The following HAUS6 variants were observed in gnomAD, a reference collection of about 807,000 sequenced individuals.
HAUS6 encodes HAUS augmin-like complex subunit 6.
In HAUS6, 80 loss-of-function variants were observed where a neutral mutation model predicts 106.8. The ratio of observed to expected loss-of-function variants is 0.75; its 90% CI spans 0.63 to 0.90. HAUS6 has a LOEUF of 0.90. Among genes scored for constraint, HAUS6 ranks in the 40% least tolerant of loss-of-function variants. HAUS6 has a pLI of 0.00. For missense variants in HAUS6, 1,155 were observed against 1,118.1 expected, an observed-to-expected ratio of 1.03 and a Z score of -0.47; for synonymous variants, 356 against 379.1, an observed-to-expected ratio of 0.94 and a Z score of 0.71.
In HAUS6 at chr9:19,083,122, T is replaced by C. The variant is rs539906244; in HGVS notation, c.700-79A>G. 4.3e-4 allele frequency: 298 copies of C among 692,230 alleles called. No individual in the cohort carries two copies. In the African/African-American group the frequency reaches 5.0e-3, roughly 12 times the overall value. The allele number at this position is 692,230 out of a possible 1,614,324, so 42.9% of individuals were successfully genotyped here. A position where few individuals can be genotyped will look rare whatever the true frequency, so the allele number is the denominator to read the frequency against. ...AAAAATGTAAATGTATGTTCACTCTTAGTAACAAATTTCCTAGAATGATTT... is the reference window on the plus strand; with the variant it reads ...AAAAATGTAAATGTATGTTCACTCTCAGTAACAAATTTCCTAGAATGATTT... On this transcript the variant is annotated intron_variant, in intron 7 of 16. Coordinates refer to ENST00000380502, the MANE Select transcript of HAUS6 (RefSeq NM_017645.5).
intron 1 of HAUS6, among the ~76,000 whole-genome samples, chr9:19,099,984 G>A (rs923300138): frequency 6.6e-6 from 1 of 152,194 alleles, no homozygotes; most frequent in African/African-American, 2.4e-5. Flanking sequence ...ACAAGGTCAG[G>A]AATTTAAGAT....
rs145443951 is a variant in HAUS6 at position 19,093,290 on chromosome 9, C to G, written c.317G>C (p.Ser106Thr). ...WIKRISGECG[S>T]SFPQVVGSLF... ...TGAACCAACAACTTGAGGAAAGCTA[C>G]TTCCACATTCACCCTATGAAGAAAA... Residue 106 changes from serine (S) to threonine (T), a missense_variant, in exon 4 of 17, where the codon AGT (serine) becomes ACT (threonine). Around this residue, in one of 3 missense-constraint regions of HAUS6, gnomAD observed 761 missense variants for 690.0 expected, o/e 1.10. Transcript: ENST00000380502. 344 of 1,603,322 alleles carry G rather than the reference C, an allele frequency of 2.1e-4. 5 individuals carry two copies. In the East Asian group the frequency reaches 5.5e-3, roughly 26 times the overall value.
At chr9:19,056,929 C>T (rs1836486126) in intron 16 of HAUS6, 1 of 152,890 alleles carries the variant, frequency 6.5e-6, no homozygotes, top group African/African-American at 2.4e-5. Context: ...CAGTGTATAA[C>T]TATTATGGGC....
At chr9:19,087,235 G>T in intron 5 of HAUS6, 79 bp from the exon 6 acceptor site, 1 of 837,712 alleles carries the variant, frequency 1.2e-6, no homozygotes, top group Non-Finnish European at 2.1e-6. Context: ...TTTTCCCTTT[G>T]CATATCCTTG....
Position 19,056,361 on chromosome 9 carries a change from C to T in HAUS6, c.2850G>A (p.Pro950=), listed in dbSNP as rs753529067. 20 of 1,537,304 alleles carry T rather than the reference C, an allele frequency of 1.3e-5. No homozygotes were observed. Among genetic ancestry groups the T allele is most frequent in the South Asian group, 7.8e-5 (7 of 89,270 alleles). ...TACGTCTTCATCTTGTCAAGTCAGA[C>T]GGTGGTTCTTTTGCATCAAGGCTCT... ...LNKSLDAKEP[P]SDLTR is the part of the protein sequence containing the mutation. The change falls in exon 17 of 17, where the codon CCG becomes CCA. Residue 950 remains proline, a synonymous_variant. Coordinates refer to ENST00000380502, the MANE Select transcript of HAUS6 (RefSeq NM_017645.5).
chr9:19,081,548 T>A (rs1462895724), intron 8 of HAUS6, among the ~76,000 whole-genome samples: 1 of 151,996 alleles, frequency 6.6e-6, no homozygotes, highest in East Asian at 1.9e-4. Flanking sequence ...CAAGCGATCC[T>A]CCCACCTCAG....
At chr9:19,093,914 A>T (rs1468235115) in intron 3 of HAUS6, among the ~76,000 whole-genome samples, 1 of 152,230 alleles carries the variant, frequency 6.6e-6, no homozygotes. Context: ...GATCAGAATT[A>T]TTCCTTTTAA....
chr9:19,085,417 C>T (rs896269569), intron 7 of HAUS6, among the ~76,000 whole-genome samples: 16 of 150,836 alleles, frequency 1.1e-4, no homozygotes, highest in Non-Finnish European at 2.1e-4. Context: ...GCCTGTTCTC[C>T]TCATTGTTGT....
intron 10 of HAUS6, among the ~76,000 whole-genome samples, chr9:19,076,912 T>C (rs1280304519): frequency 6.6e-6 from 1 of 152,172 alleles, no homozygotes; most frequent in Admixed American, 6.5e-5. Context: ...GACATTATCA[T>C]AGCTCACTGC....
rs953479665 is a variant in HAUS6, at chr9:19,054,794, T to A, written c.*1549A>T. 33 of 152,220 alleles carry A rather than the reference T, an allele frequency of 2.2e-4. No homozygotes were observed. The highest frequency in any genetic ancestry group is 8.0e-4 in the African/African-American group (33 of 41,462). 9.4% of individuals were successfully genotyped at this position (152,220 alleles called of 1,614,324 possible). A position where few individuals can be genotyped will look rare whatever the true frequency, so the allele number is the denominator to read the frequency against. ...TTAAGAATTACCAAGGAAGCACATT[T>A]AAAATATAATTAAATGAAATAATAC... On this transcript the variant is annotated 3_prime_UTR_variant, in exon 17 of 17. Coordinates refer to ENST00000380502, the MANE Select transcript of HAUS6 (RefSeq NM_017645.5).
At chr9:19,068,391 AT>A (rs2131112101) in intron 12 of HAUS6, among the ~76,000 whole-genome samples, 1 of 151,974 alleles carries the variant, frequency 6.6e-6, no homozygotes, top group East Asian at 1.9e-4. Flanking sequence ...CTCAGAGAAG[AT>A]TTCATTATTT....
At chr9:19,075,972 A>C (rs1016314616) in intron 11 of HAUS6, among the ~76,000 whole-genome samples, 2 of 151,624 alleles carry the variant, frequency 1.3e-5, no homozygotes, top group African/African-American at 2.4e-5. Context: ...AAAAAAAAAA[A>C]AAAAAAACAC....
At chr9:19,060,250 A>C (rs1384814570) in intron 14 of HAUS6, 27 bp from the exon 15 acceptor site, 1 of 1,491,524 alleles carries the variant, frequency 6.7e-7, no homozygotes, top group Non-Finnish European at 8.9e-7. Flanking sequence ...AAAGTAAAGC[A>C]AAGATTACCA....
chr9:19,079,181 A>C (rs888687625), intron 9 of HAUS6, among the ~76,000 whole-genome samples: 1 of 149,430 alleles, frequency 6.7e-6, no homozygotes, highest in African/African-American at 2.4e-5. Flanking sequence ...AAAAAAAAAA[A>C]TACACGAAAC....
chr9:19,063,006 A>G lies in HAUS6; in HGVS notation c.1629+2T>C. The stretch of plus-strand genomic sequence containing the variant: ...AGTATACTCATTACAGTCTTTTCTC[A>G]CCTCTTCTACCAGATGATCTTGCTC... On this transcript the variant is annotated splice_donor_variant, in intron 14 of 16. Coordinates refer to ENST00000380502, the MANE Select transcript of HAUS6 (RefSeq NM_017645.5). LOFTEE classifies it high-confidence loss of function. 6.2e-7 allele frequency: 1 copy of G among 1,604,400 alleles called. No individual in the cohort carries two copies. Among genetic ancestry groups the G allele is most frequent in the South Asian group, 1.1e-5 (1 of 90,592 alleles).
Position 19,080,665 on chromosome 9 carries a change from A to G in HAUS6, c.878T>C (p.Ile293Thr). ...TTTTCCAGCCTCATAAACATTTCCT[A>G]TGTGCAACTAAGGAATCAGGAGGAG... ...KIEKQMFQLH[I>T]GNVYEAGKLN... The change falls in exon 9 of 17, where the codon ATA becomes ACA. Residue 293 changes from isoleucine (I) to threonine (T), a missense_variant. This residue lies in a region of HAUS6 where 761 missense variants were observed against 690.0 expected (regional missense o/e 1.10). Transcript: ENST00000380502. 1.3e-6 allele frequency: 2 copies of G among 1,598,074 alleles called. No homozygotes were observed. Among genetic ancestry groups the G allele is most frequent in the East Asian group, 2.2e-5 (1 of 44,740 alleles).
chr9:19,102,500 C>A (rs1270927209), intron 1 of HAUS6, 24 bp downstream of exon 1: 1 of 1,609,402 alleles, frequency 6.2e-7, no homozygotes, highest in South Asian at 1.1e-5. Context: ...GGCTCCCTCG[C>A]CCCGCCGGCC....
At chr9:19,101,853 G>A (rs1393120370) in intron 1 of HAUS6, among the ~76,000 whole-genome samples, 1 of 152,186 alleles carries the variant, frequency 6.6e-6, no homozygotes, top group East Asian at 1.9e-4. Context: ...CAGGGAGTTG[G>A]AGGGTGCAGT....
chr9:19,067,628 G>T (rs765837824), intron 12 of HAUS6, among the ~76,000 whole-genome samples: 1 of 152,072 alleles, frequency 6.6e-6, no homozygotes, highest in Non-Finnish European at 1.5e-5. Context: ...ATTCTTAGGG[G>T]TTGAGTTTCT....
Sources: gnomAD v4.1 joint callset for allele counts (sites outside exome capture counted in the v4.1 genomes callset) on GRCh38, gnomAD v4.1.1 for gene constraint, gnomAD v4.1.1 regional missense constraint, MANE v1.5 for transcripts, NCBI Gene and HGNC (gene_info 2026-07-23, HGNC 2026-07-21) for gene names.